The following GLO1 variants were observed in gnomAD, a reference collection of about 807,000 sequenced individuals.
The protein encoded by GLO1 is glyoxalase I.
Under a neutral mutation model 26.0 loss-of-function variants are expected in GLO1, and 28 were observed. That is an observed-to-expected ratio of 1.08 (90% CI 0.80 to 1.48). GLO1 has a LOEUF of 1.48. Among genes scored for constraint, GLO1 ranks in the 40% most tolerant of loss-of-function variants. The probability of loss-of-function intolerance (pLI) is 0.00; values close to 1 mark genes in which losing one functional copy is unlikely to be tolerated. For synonymous variants in GLO1, 78 were observed against 77.6 expected, an observed-to-expected ratio of 1.00 and a Z score of -0.03; for missense variants, 225 against 224.8, an observed-to-expected ratio of 1.00 and a Z score of -0.01.
chr6:38,687,029 A>C (rs1761470044), intron 1 of GLO1, 55 bp from the exon 2 acceptor site: 2 of 1,543,312 alleles, frequency 1.3e-6, no homozygotes, highest in African/African-American at 2.8e-5. Flanking sequence ...TATTACCAAC[A>C]TTAATTGTGC....
chr6:38,699,408 C>T (rs548199356), intron 1 of GLO1, among the ~76,000 whole-genome samples: 53 of 152,024 alleles, frequency 3.5e-4, no homozygotes, highest in African/African-American at 1.2e-3. Flanking sequence ...AATATGAAAT[C>T]GGCGCACCTT....
In GLO1 at chr6:38,691,613, C is replaced by T. The variant is rs985268078; in HGVS notation, c.85-4639G>A. On this transcript the variant is annotated intron_variant, in intron 1 of 5. Transcript: ENST00000373365. Reference sequence around the variant, plus strand: ...TGAGCCACCGCAACCGCCAAGAAAACTTTAAAGGTACAATCAAGGATGTTT... The same window carrying T: ...TGAGCCACCGCAACCGCCAAGAAAATTTTAAAGGTACAATCAAGGATGTTT... Among the ~76,000 whole-genome samples, 4 of 152,222 alleles carry T rather than the reference C, an allele frequency of 2.6e-5. No homozygotes were observed. The East Asian group carries it at 7.7e-4, about 29-fold the overall frequency.
At chr6:38,701,928 ATT>A (rs555631797) in intron 1 of GLO1, among the ~76,000 whole-genome samples, 34 of 137,122 alleles carry the variant, frequency 2.5e-4, no homozygotes, top group East Asian at 8.5e-4. Context: ...CTGTGCCTGA[ATT>A]TTTTTTTTTT....
rs568159917 is a variant in GLO1 at position 38,698,821 on chromosome 6, C to T, written c.84+4150G>A. 1.1e-4 allele frequency among the ~76,000 whole-genome samples: 16 copies of T among 152,232 alleles called. No homozygotes were observed. In the South Asian group the frequency reaches 1.7e-3, roughly 16 times the overall value. On this transcript the variant is annotated intron_variant, in intron 1 of 5. Transcript: ENST00000373365. ...TGCAAATGATCAAAAAACAAGTCGA[C>T]TTTGTGCCATTGCTGCTGTCTTCTT...
rs774917188 is a variant in GLO1 at position 38,677,366 on chromosome 6, C to T, written c.484G>A (p.Ala162Thr). The T allele has an allele frequency of 2.0e-6, 3 of 1,515,734 alleles. No homozygotes were observed. Among genetic ancestry groups the T allele is most frequent in the East Asian group, 4.5e-5 (2 of 44,392 alleles). 93.9% of individuals were successfully genotyped at this position (1,515,734 alleles called of 1,614,324 possible). Reference protein sequence around the residue: ...KPDDGKMKGLAFIQDPDGYWI... With the variant: ...KPDDGKMKGLTFIQDPDGYWI... ...TAGCCATCAGGATCTTGAATAAATG[C>T]CAGGCCTTTCATTTTACCTGTAAAA... The change falls in exon 6 of 6, where the codon GCA becomes ACA. Residue 162 changes from alanine (A) to threonine (T), a missense_variant. Physicochemically the swap from Ala to Thr is moderately conservative, Grantham distance 58. Transcript: ENST00000373365.
chr6:38,678,561 A>G (rs980955401), intron 5 of GLO1, among the ~76,000 whole-genome samples: 7 of 152,152 alleles, frequency 4.6e-5, no homozygotes, highest in Non-Finnish European at 8.8e-5. Flanking sequence ...GGCAGTGCAT[A>G]ATGGCTGCGA....
chr6:38,693,685 C>CTCTCTCTCTCTCTA (rs869232489), intron 1 of GLO1, among the ~76,000 whole-genome samples: 77 of 86,426 alleles, frequency 8.9e-4, no homozygotes, highest in African/African-American at 2.1e-3. Flanking sequence ...CTCTCTCTCT[C>CTCTCTCTCTCTCTA]TATATATATA....
chr6:38,698,644 A>G (rs1420206677), intron 1 of GLO1, among the ~76,000 whole-genome samples: 1 of 145,896 alleles, frequency 6.9e-6, no homozygotes, highest in East Asian at 2.0e-4. Flanking sequence ...ACTACTTGGA[A>G]GGAGAACCTG....
chr6:38,693,683 C>CTATATATATA (rs1287585297), intron 1 of GLO1, among the ~76,000 whole-genome samples: 22 of 82,452 alleles, frequency 2.7e-4, no homozygotes, highest in Admixed American at 1.4e-3. Context: ...CTCTCTCTCT[C>CTATATATATA]TCTATATATA....
intron 1 of GLO1, among the ~76,000 whole-genome samples, chr6:38,694,155 T>G (rs9394524): frequency 0.19 from 29,337 of 152,156 alleles, 3,669 homozygotes; most frequent in African/African-American, 0.34. Context: ...ATTCCACTGT[T>G]GCTGAAGAAT....
chr6:38,700,999 G>A (rs991916167), intron 1 of GLO1, among the ~76,000 whole-genome samples: 5 of 152,100 alleles, frequency 3.3e-5, no homozygotes, highest in Admixed American at 6.5e-5. Context: ...GGCTGGTCTC[G>A]AACTGCTAAC....
At chr6:38,690,277 T>A (rs1562486757) in intron 1 of GLO1, among the ~76,000 whole-genome samples, 1 of 152,172 alleles carries the variant, frequency 6.6e-6, no homozygotes, top group Non-Finnish European at 1.5e-5. Flanking sequence ...ATTATTATCA[T>A]CCCCATTTTA....
At chr6:38,685,657 T>C (rs1422189381) in intron 2 of GLO1, among the ~76,000 whole-genome samples, 3 of 152,168 alleles carry the variant, frequency 2.0e-5, no homozygotes, top group Middle Eastern at 3.2e-3. Flanking sequence ...TAATAAAGTA[T>C]CAAACACCTC....
chr6:38,698,710 C>A (rs1474753634), intron 1 of GLO1, among the ~76,000 whole-genome samples: 2 of 128,244 alleles, frequency 1.6e-5, no homozygotes, highest in Non-Finnish European at 3.1e-5. Flanking sequence ...CCAGGAGAAT[C>A]TGACCTTTTA....
At chr6:38,684,281 G>T in intron 3 of GLO1, 93 bp downstream of exon 3, 1 of 503,578 alleles carries the variant, frequency 2.0e-6, no homozygotes, top group South Asian at 9.8e-5. Context: ...GATCTGGTTT[G>T]AATTATACTG....
At chr6:38,692,912 A>G (rs956583535) in intron 1 of GLO1, among the ~76,000 whole-genome samples, 5 of 150,662 alleles carry the variant, frequency 3.3e-5, no homozygotes, top group Non-Finnish European at 3.0e-5. Context: ...CTTTCTATAT[A>G]TACTGTTGAA....
Position 38,682,879 on chromosome 6 carries a change from CA to C in GLO1, c.309-5del. 6.5e-7 allele frequency: 1 copy of C among 1,550,162 alleles called. No homozygotes were observed. Among genetic ancestry groups the C allele is most frequent in the Non-Finnish European group, 8.9e-7 (1 of 1,121,098 alleles). ...ATCATCTTCAGTGCCCCAATTGCTA[CA>C]AAAGGAAGGAAAACATAGCTACAAT... On this transcript the variant is annotated splice_polypyrimidine_tract_variant and splice_region_variant and intron_variant, in intron 3 of 5. Coordinates refer to ENST00000373365, the MANE Select transcript of GLO1 (RefSeq NM_006708.3).
intron 1 of GLO1, among the ~76,000 whole-genome samples, chr6:38,700,848 C>T (rs1402799432): frequency 7.3e-5 from 11 of 149,856 alleles, no homozygotes; most frequent in African/African-American, 2.5e-4. Context: ...GGCATGATCT[C>T]GGCTCCCTGC....
intron 1 of GLO1, among the ~76,000 whole-genome samples, chr6:38,695,009 T>C (rs1201987202): frequency 6.6e-6 from 1 of 152,244 alleles, no homozygotes; most frequent in African/African-American, 2.4e-5. Context: ...GTGAGTTTCA[T>C]GTAGACAGCA....
Sources: gnomAD v4.1 joint callset for allele counts (sites outside exome capture counted in the v4.1 genomes callset) on GRCh38, gnomAD v4.1.1 for gene constraint, MANE v1.5 for transcripts, NCBI Gene and HGNC (gene_info 2026-07-23, HGNC 2026-07-21) for gene names.